The following TENM2 variants were observed in gnomAD, a reference collection of about 807,000 sequenced individuals.
TENM2 encodes the protein teneurin-2.
In TENM2, 52 loss-of-function variants were observed where a neutral mutation model predicts 245.2. The observed-to-expected ratio is 0.21, with a 90% confidence interval of 0.17 to 0.27. The LOEUF is 0.27. Among genes scored for constraint, TENM2 ranks in the 10% least tolerant of loss-of-function variants. The probability of loss-of-function intolerance (pLI) is 1.00; values close to 1 mark genes in which losing one functional copy is unlikely to be tolerated. For synonymous variants in TENM2, 1,363 were observed against 1,438.9 expected (o/e 0.95, Z 1.19); for missense variants, 3,046 against 3,666.8 (o/e 0.83, Z 4.37).
intron 2 of TENM2, among the ~76,000 whole-genome samples, chr5:167,600,286 A>T (rs564660837): frequency 7.2e-5 from 11 of 151,988 alleles, no homozygotes; most frequent in Non-Finnish European, 1.6e-4. Context: ...TATGTTTATG[A>T]AATTAAAGAA....
At chr5:167,731,703 T>A (rs1760451298) in intron 2 of TENM2, among the ~76,000 whole-genome samples, 1 of 151,608 alleles carries the variant, frequency 6.6e-6, no homozygotes, top group Non-Finnish European at 1.5e-5. Flanking sequence ...AGAGGTTTTT[T>A]TTTTTTTTTT....
intron 1 of TENM2, among the ~76,000 whole-genome samples, chr5:167,368,848 G>A (rs1581860220): frequency 6.6e-6 from 1 of 151,938 alleles, no homozygotes; most frequent in Non-Finnish European, 1.5e-5. Context: ...GAGGGAGAGA[G>A]TTACCTCCTA....
chr5:168,200,118 C>T (rs766190611), exon 17 of TENM2: 5 of 1,612,886 alleles, frequency 3.1e-6, no homozygotes, highest in East Asian at 4.5e-5. Flanking sequence ...TGTATGGACT[C>T]TCAGATGCTG....
At chr5:167,789,502 G>A (rs541393561) in intron 2 of TENM2, among the ~76,000 whole-genome samples, 1 of 152,344 alleles carries the variant, frequency 6.6e-6, no homozygotes, top group South Asian at 2.1e-4. Flanking sequence ...GCCCAGCCAA[G>A]TTTGGCTGCT....
chr5:168,182,034 TG>T (rs1759947707), intron 13 of TENM2, among the ~76,000 whole-genome samples: 1 of 152,172 alleles, frequency 6.6e-6, no homozygotes, highest in African/African-American at 2.4e-5. Flanking sequence ...GGAAGGAGGA[TG>T]CCTGAGGAGC....
At chr5:168,262,532 C>A in exon 29 of TENM2, 1 of 1,556,528 alleles carries the variant, frequency 6.4e-7, no homozygotes, top group Non-Finnish European at 8.7e-7. Flanking sequence ...CCGCTATGGC[C>A]TCACCCCCGA....
At chr5:167,042,238 C>T in the TENM2 span, among the ~76,000 whole-genome samples, 1 of 152,148 alleles carries the variant, frequency 6.6e-6, no homozygotes, top group East Asian at 1.9e-4. Context: ...TATGCAACTT[C>T]AAACACATTT....
chr5:167,871,751 C>T (rs1283335347), intron 2 of TENM2, among the ~76,000 whole-genome samples: 5 of 152,170 alleles, frequency 3.3e-5, no homozygotes, highest in Non-Finnish European at 7.3e-5. Context: ...GTTGGAGAGT[C>T]AAGGGGCTTC....
the TENM2 span, among the ~76,000 whole-genome samples, chr5:167,262,144 A>G: frequency 1.3e-5 from 2 of 152,242 alleles, no homozygotes; most frequent in Non-Finnish European, 2.9e-5. Flanking sequence ...AACACAAGAA[A>G]GAAGAGGATT....
chr5:167,731,440 A>G (rs1760430234), intron 2 of TENM2, among the ~76,000 whole-genome samples: 1 of 152,000 alleles, frequency 6.6e-6, no homozygotes, highest in African/African-American at 2.4e-5. Context: ...TCATTCTTTG[A>G]TCTTTATCTT....
At chr5:167,794,650 C>A (rs1765201900) in intron 2 of TENM2, among the ~76,000 whole-genome samples, 1 of 152,120 alleles carries the variant, frequency 6.6e-6, no homozygotes, top group African/African-American at 2.4e-5. Context: ...ACATGTTTCA[C>A]ATGAAAGGTG....
chr5:167,040,656 G>T, the TENM2 span, among the ~76,000 whole-genome samples: 7 of 152,116 alleles, frequency 4.6e-5, no homozygotes, highest in African/African-American at 1.7e-4. Flanking sequence ...TCTTTGGAGA[G>T]GTCTAAATGA....
At chr5:167,648,318 C>T (rs1780102958) in intron 2 of TENM2, among the ~76,000 whole-genome samples, 1 of 152,140 alleles carries the variant, frequency 6.6e-6, no homozygotes, top group African/African-American at 2.4e-5. Context: ...AAAGTATACA[C>T]ACAGAAAACA....
At chr5:168,052,493 A>T (rs774584554) in intron 6 of TENM2, among the ~76,000 whole-genome samples, 146 of 152,200 alleles carry the variant, frequency 9.6e-4, no homozygotes, top group Non-Finnish European at 1.7e-3. Flanking sequence ...TATATATATA[A>T]AATAAAACAA....
At chr5:167,269,470 T>C in the TENM2 span, among the ~76,000 whole-genome samples, 3 of 152,018 alleles carry the variant, frequency 2.0e-5, no homozygotes, top group Non-Finnish European at 1.5e-5. Context: ...CATGTCATCA[T>C]TGAAGCAAGA....
intron 15 of TENM2, among the ~76,000 whole-genome samples, chr5:168,197,655 A>G (rs61098277): frequency 0.24 from 36,082 of 148,982 alleles, 5,106 homozygotes; most frequent in East Asian, 0.41. Context: ...AGCCCAAATC[A>G]TGCCACTGCG....
chr5:167,698,234 C>T (rs920940522), intron 2 of TENM2, among the ~76,000 whole-genome samples: 1 of 152,184 alleles, frequency 6.6e-6, no homozygotes, highest in Non-Finnish European at 1.5e-5. Context: ...ACTACCTTTC[C>T]GGTCAAAGTA....
chr5:167,758,829 G>T (rs2150694135), intron 2 of TENM2, among the ~76,000 whole-genome samples: 1 of 151,884 alleles, frequency 6.6e-6, no homozygotes, highest in East Asian at 1.9e-4. Flanking sequence ...CTCTCATATT[G>T]CCAGGTTTGG....
chr5:167,640,859 CCATATATATATATATATATATATAT>C (rs1779523891), intron 2 of TENM2, among the ~76,000 whole-genome samples: 1 of 9,180 alleles, frequency 1.1e-4, no homozygotes, highest in Non-Finnish European at 2.1e-4. Context: ...ATATATATAT[CCATATATATATATATATATATATAT>C]ATATATATAT....
Sources: gnomAD v4.1 joint callset for allele counts (sites outside exome capture counted in the v4.1 genomes callset) on GRCh38, gnomAD v4.1.1 for gene constraint, MANE v1.5 for transcripts, NCBI Gene and HGNC (gene_info 2026-07-23, HGNC 2026-07-21) for gene names.